IRAG1: variants seen among roughly 807,000 people sequenced by gnomAD.
The protein encoded by IRAG1 is inositol 1,4,5-triphosphate receptor associated 1.
In IRAG1, 62 loss-of-function variants were observed where a neutral mutation model predicts 106.2. The observed-to-expected ratio is 0.58, with a 90% confidence interval of 0.48 to 0.72. The LOEUF (loss-of-function observed/expected upper bound fraction) is 0.72, where lower values mean the gene tolerates loss of function less well. Ranked by LOEUF, IRAG1 falls within the 30% of genes least tolerant of loss-of-function variation. The probability of loss-of-function intolerance (pLI) is 0.00; values close to 1 mark genes in which losing one functional copy is unlikely to be tolerated. For missense variants in IRAG1, 1,064 were observed against 1,140.7 expected (o/e 0.93, Z 0.97); for synonymous variants, 462 against 443.9 (o/e 1.04, Z -0.51).
intron 11 of IRAG1, among the ~76,000 whole-genome samples, chr11:10,607,446 G>A (rs1052801785): frequency 3.3e-5 from 5 of 152,222 alleles, no homozygotes; most frequent in Admixed American, 2.0e-4. Flanking sequence ...GCAGCTCCTC[G>A]TCTGTGGCGT....
At chr11:10,612,326 G>A (rs139352177) in intron 10 of IRAG1, among the ~76,000 whole-genome samples, 104 of 152,244 alleles carry the variant, frequency 6.8e-4, no homozygotes, top group African/African-American at 2.4e-3. Flanking sequence ...ATATGCCCCC[G>A]ATTTGGTATA....
chr11:10,658,286 G>A, intron 1 of IRAG1: 1 of 152,394 alleles, frequency 6.6e-6, no homozygotes, highest in Non-Finnish European at 1.5e-5. Context: ...TTGTTGCTTG[G>A]CAGATTCCGT....
rs536863860 is a variant in IRAG1 at position 10,649,159 on chromosome 11, G to A, written c.225+2866C>T. Among the ~76,000 whole-genome samples the A allele has an allele frequency of 3.9e-4, 60 of 152,312 alleles. No homozygotes were observed. In the South Asian group the frequency reaches 0.01, roughly 26 times the overall value. On this transcript the variant is annotated intron_variant, in intron 2 of 20. Coordinates refer to ENST00000423302, the MANE Select transcript of IRAG1 (RefSeq NM_130385.4). ...CCAGCTCCTGAGGCCTGACCCTCCC[G>A]AGGCCGTGACTACCTGAGAAACCCA...
chr11:10,672,303 C>A (rs921198424), intron 1 of IRAG1, among the ~76,000 whole-genome samples: 6 of 152,074 alleles, frequency 3.9e-5, no homozygotes, highest in African/African-American at 1.2e-4. Context: ...AGATACAACA[C>A]CATAAATGCA....
chr11:10,680,123 A>G (rs1861029628), intron 1 of IRAG1, among the ~76,000 whole-genome samples: 1 of 151,438 alleles, frequency 6.6e-6, no homozygotes, highest in South Asian at 2.1e-4. Context: ...AAATACAAAA[A>G]TTGGCCAGGC....
At chr11:10,593,976 G>T in intron 16 of IRAG1, 170 bp downstream of exon 16, 1 of 644,388 alleles carries the variant, frequency 1.6e-6, no homozygotes. Context: ...CCATGAGCAA[G>T]AAAGGTAAGA....
At chr11:10,622,677 G>C (rs866320187) in intron 10 of IRAG1, among the ~76,000 whole-genome samples, 1 of 151,860 alleles carries the variant, frequency 6.6e-6, no homozygotes, top group African/African-American at 2.4e-5. Flanking sequence ...GGTAATTTTT[G>C]TATTTTTTGT....
intron 10 of IRAG1, among the ~76,000 whole-genome samples, chr11:10,620,115 G>A (rs1002087423): frequency 1.3e-4 from 19 of 151,548 alleles, no homozygotes; most frequent in African/African-American, 4.4e-4. Context: ...AGTAGCCCAT[G>A]GAAAAAACAG....
At chr11:10,611,265 T>A (rs1439350883) in intron 10 of IRAG1, among the ~76,000 whole-genome samples, 7 of 152,200 alleles carry the variant, frequency 4.6e-5, no homozygotes, top group African/African-American at 1.7e-4. Context: ...CTTAGCTACC[T>A]GTTACCTCTC....
Position 10,574,334 on chromosome 11 carries a change from T to C in IRAG1, c.*1998A>G, listed in dbSNP as rs1850718169. The C allele has an allele frequency of 6.6e-6, 1 of 152,196 alleles. No homozygotes were observed. The highest frequency in any genetic ancestry group is 2.4e-5 in the African/African-American group (1 of 41,442). 9.4% of individuals were successfully genotyped at this position (152,196 alleles called of 1,614,324 possible). On this transcript the variant is annotated 3_prime_UTR_variant, in exon 21 of 21. Coordinates refer to ENST00000423302, the MANE Select transcript of IRAG1 (RefSeq NM_130385.4). ...CTCTCCACCACCTTAAATGTTTGCTTGTTCTTTTGAGCAACATTTAATGAC... is the reference window on the plus strand; with the variant it reads ...CTCTCCACCACCTTAAATGTTTGCTCGTTCTTTTGAGCAACATTTAATGAC...
intron 1 of IRAG1, among the ~76,000 whole-genome samples, chr11:10,677,301 T>C (rs1198127433): frequency 6.6e-6 from 1 of 152,232 alleles, no homozygotes; most frequent in Non-Finnish European, 1.5e-5. Flanking sequence ...ACTGAGTCAA[T>C]GTCTCCTTCT....
rs970834867 is a variant in IRAG1, at chr11:10,575,875, A to G, written c.*457T>C. ...GGGAAGATAGTCACTTTGCAACTCC[A>G]AATTCCAGGTCTGATGCTTAGGGTG... On this transcript the variant is annotated 3_prime_UTR_variant, in exon 21 of 21. Transcript: ENST00000423302. The G allele has an allele frequency of 6.3e-6, 1 of 158,414 alleles. No individual in the cohort carries two copies. Among genetic ancestry groups the G allele is most frequent in the African/African-American group, 2.4e-5 (1 of 41,588 alleles). 9.8% of individuals were successfully genotyped at this position (158,414 alleles called of 1,614,324 possible).
chr11:10,658,379 C>T (rs1859101591), intron 1 of IRAG1: 1 of 152,366 alleles, frequency 6.6e-6, no homozygotes, highest in African/African-American at 2.4e-5. Context: ...GGTAATAGCA[C>T]CCACCTTTTA....
Position 10,580,475 on chromosome 11 carries a change from C to T in IRAG1, c.2475G>A (p.Glu825=), listed in dbSNP as rs1488327488. ...EPEEVEETEE[E]EKGPRSSKLE... ...CCCACCTGCTTCTTGGGCCCTTTTCCTCTTCCTCAGTTTCTTCTACCTCTT... is the reference window on the plus strand; with the variant it reads ...CCCACCTGCTTCTTGGGCCCTTTTCTTCTTCCTCAGTTTCTTCTACCTCTT... Residue 825 remains glutamate, a synonymous_variant, in exon 20 of 21, where the codon GAG becomes GAA. Coordinates refer to ENST00000423302, the MANE Select transcript of IRAG1 (RefSeq NM_130385.4). The T allele has an allele frequency of 1.2e-6, 2 of 1,613,306 alleles. No homozygotes were observed. Among genetic ancestry groups the T allele is most frequent in the Non-Finnish European group, 1.7e-6 (2 of 1,179,722 alleles).
At chr11:10,609,475 T>A (rs746740101) in intron 11 of IRAG1, among the ~76,000 whole-genome samples, 1 of 152,248 alleles carries the variant, frequency 6.6e-6, no homozygotes, top group Non-Finnish European at 1.5e-5. Context: ...TCTGCTGCCA[T>A]GAGCTTCTGG....
chr11:10,659,350 A>AT lies in IRAG1; in HGVS notation c.68-7169dup, dbSNP rs1016862945. On this transcript the variant is annotated intron_variant, in intron 1 of 20. Transcript: ENST00000423302. The surrounding 1 kb of genome is among the most constrained non-coding windows in gnomAD (Gnocchi z 4.1). ...TGAAAGTGGATCTAGATTGAAGGGAATTGTGCAGGAGCAGGAATGGTGAAG... is the reference window on the plus strand; with the variant it reads ...TGAAAGTGGATCTAGATTGAAGGGAATTTGTGCAGGAGCAGGAATGGTGAAG... Among the ~76,000 whole-genome samples the AT allele has an allele frequency of 6.6e-5, 10 of 152,284 alleles. No homozygotes were observed. The highest frequency in any genetic ancestry group is 1.5e-4 in the Non-Finnish European group (10 of 68,012).
At position 10,689,735 on chromosome 11, in the gene IRAG1, T is replaced by C. The variant is rs564701180; in HGVS notation, c.67+3801A>G. Among the ~76,000 whole-genome samples the C allele has an allele frequency of 7.9e-5, 12 of 152,364 alleles. No individual in the cohort carries two copies. In the East Asian group the frequency reaches 2.3e-3, roughly 29 times the overall value. On this transcript the variant is annotated intron_variant, in intron 1 of 20. Coordinates refer to ENST00000423302, the MANE Select transcript of IRAG1 (RefSeq NM_130385.4). ...CTTTAATGATATGGAAAAAGGATTATATTAGAATGCTCAGTTTTAAAAAGC... is the reference window on the plus strand; with the variant it reads ...CTTTAATGATATGGAAAAAGGATTACATTAGAATGCTCAGTTTTAAAAAGC...
chr11:10,578,324 T>A (rs1851039653), intron 20 of IRAG1, among the ~76,000 whole-genome samples: 1 of 152,260 alleles, frequency 6.6e-6, no homozygotes, highest in Non-Finnish European at 1.5e-5. Flanking sequence ...AAGTTTTATC[T>A]TGTCCCTTAT....
At chr11:10,667,147 T>C (rs1564935845) in intron 1 of IRAG1, among the ~76,000 whole-genome samples, 1 of 140,452 alleles carries the variant, frequency 7.1e-6, no homozygotes, top group Admixed American at 7.4e-5. Flanking sequence ...TTTCGTTTTT[T>C]TGTTTTTGTT....
Sources: allele counts gnomAD v4.1 joint callset (sites outside exome capture counted in the v4.1 genomes callset), GRCh38; gene constraint gnomAD v4.1.1; non-coding constraint Gnocchi (gnomAD v3.1); transcripts MANE v1.5; gene names NCBI Gene and HGNC (gene_info 2026-07-23, HGNC 2026-07-21).